The following TNR variants were observed in gnomAD, a reference collection of about 807,000 sequenced individuals.
TNR encodes the protein tenascin-R.
A neutral mutation model predicts 150.4 loss-of-function variants in TNR; 45 were observed. That is an observed-to-expected ratio of 0.30 (90% CI 0.24 to 0.38). The LOEUF (loss-of-function observed/expected upper bound fraction) is 0.38, where lower values mean the gene tolerates loss of function less well. Ranked by LOEUF, TNR falls within the 10% of genes least tolerant of loss-of-function variation. The pLI, the probability that TNR is intolerant of heterozygous loss-of-function variation, is 1.00. For synonymous variants in TNR, 687 were observed against 678.4 expected, an observed-to-expected ratio of 1.01 and a Z score of -0.20; for missense variants, 1,544 against 1,759.1, an observed-to-expected ratio of 0.88 and a Z score of 2.19.
At chr1:175,330,989 C>G (rs1006516907) in intron 20 of TNR, among the ~76,000 whole-genome samples, 9 of 150,986 alleles carry the variant, frequency 6.0e-5, no homozygotes, top group African/African-American at 1.5e-4. Flanking sequence ...GTCCAGATCC[C>G]TCTTGGTGAT....
chr1:175,671,456 T>G (rs1665693501), intron 1 of TNR, among the ~76,000 whole-genome samples: 1 of 152,140 alleles, frequency 6.6e-6, no homozygotes, highest in African/African-American at 2.4e-5. Flanking sequence ...CAGAAGCCAT[T>G]TAGTACCCCT....
chr1:175,417,075 G>GAAAGAAAGAAAGAAAGAA lies in TNR; in HGVS notation c.-63-10299_-63-10298insTTCTTTCTTTCTTTCTTT, dbSNP rs754333098. 4.7e-3 allele frequency among the ~76,000 whole-genome samples: 643 copies of GAAAGAAAGAAAGAAAGAA among 138,272 alleles called. 11 individuals carry two copies. The highest frequency in any genetic ancestry group is 7.2e-3 in the Non-Finnish European group (458 of 63,646). The allele number at this position is 138,272 out of a possible 152,430, so 90.7% of individuals were successfully genotyped here. On this transcript the variant is annotated intron_variant, in intron 2 of 22. Coordinates refer to ENST00000367674, the MANE Select transcript of TNR (RefSeq NM_003285.3). ...AGAAAGAAAGAAAGAAAGAAAGAAA[G>GAAAGAAAGAAAGAAAGAA]AAATCTAAGAAGTGGTCTCTTCCCT...
intron 1 of TNR, among the ~76,000 whole-genome samples, chr1:175,577,807 C>T (rs1425864323): frequency 6.6e-6 from 1 of 152,160 alleles, no homozygotes; most frequent in Non-Finnish European, 1.5e-5. Flanking sequence ...TCTACTGCCC[C>T]AAATGCTATA....
At chr1:175,664,491 AGGGAAAGGTGAGGT>A (rs1364923778) in intron 1 of TNR, among the ~76,000 whole-genome samples, 1 of 152,164 alleles carries the variant, frequency 6.6e-6, no homozygotes, top group Non-Finnish European at 1.5e-5. Flanking sequence ...AAATGGGGAG[AGGGAAAGGTGAGGT>A]GGTCAGGGCA....
chr1:175,380,980 T>G (rs890587851), intron 8 of TNR, among the ~76,000 whole-genome samples: 9 of 152,236 alleles, frequency 5.9e-5, no homozygotes, highest in African/African-American at 2.2e-4. Context: ...GCGCAGAGGC[T>G]TTGGAGTGAG....
chr1:175,471,522 G>A (rs1351575689), intron 2 of TNR, among the ~76,000 whole-genome samples: 4 of 152,046 alleles, frequency 2.6e-5, no homozygotes, highest in Admixed American at 6.5e-5. Flanking sequence ...GTAACATGAT[G>A]GTAAATATTT....
chr1:175,602,009 G>A (rs2101847700), intron 1 of TNR, among the ~76,000 whole-genome samples: 1 of 152,138 alleles, frequency 6.6e-6, no homozygotes, highest in Middle Eastern at 3.4e-3. Flanking sequence ...TATAGAGCAG[G>A]GAGATCAAAA....
At chr1:175,497,319 CA>C (rs1252056840) in intron 2 of TNR, among the ~76,000 whole-genome samples, 1 of 152,200 alleles carries the variant, frequency 6.6e-6, no homozygotes, top group African/African-American at 2.4e-5. Flanking sequence ...CCCTCTCTCT[CA>C]CCGTCAATTA....
At chr1:175,741,870 C>T (rs1376696443) in intron 1 of TNR, among the ~76,000 whole-genome samples, 2 of 152,156 alleles carry the variant, frequency 1.3e-5, no homozygotes, top group African/African-American at 4.8e-5. Context: ...AGTGAAACCA[C>T]CCCACCTTGC....
intron 10 of TNR, among the ~76,000 whole-genome samples, chr1:175,366,867 C>T (rs1284818112): frequency 2.6e-5 from 4 of 152,190 alleles, no homozygotes; most frequent in South Asian, 2.1e-4. Flanking sequence ...GCGAGGATGC[C>T]CCATTCTGCC....
chr1:175,720,309 T>C (rs1219225383), intron 1 of TNR, among the ~76,000 whole-genome samples: 3 of 152,216 alleles, frequency 2.0e-5, no homozygotes, highest in Non-Finnish European at 4.4e-5. Context: ...AAGTTGATCA[T>C]CTGCAAGCCA....
intron 2 of TNR, among the ~76,000 whole-genome samples, chr1:175,524,253 G>A (rs1478564892): frequency 1.3e-5 from 2 of 152,046 alleles, no homozygotes; most frequent in Non-Finnish European, 2.9e-5. Flanking sequence ...TATGCTACAT[G>A]CATGTCTGCC....
chr1:175,700,331 G>A (rs984947156), intron 1 of TNR, among the ~76,000 whole-genome samples: 1 of 152,194 alleles, frequency 6.6e-6, no homozygotes, highest in Non-Finnish European at 1.5e-5. Context: ...CATAATTAGA[G>A]TGATATGAAG....
chr1:175,406,566 C>G lies in TNR; in HGVS notation c.149G>C (p.Gly50Ala). 1 of 1,614,162 alleles carries G rather than the reference C, an allele frequency of 6.2e-7. No homozygotes were observed. Residue 50 changes from glycine to alanine, a missense_variant, in exon 3 of 23, where the codon GGC becomes GCC. Gly to Ala is a moderately conservative substitution (Grantham distance 60). This residue lies in a region of TNR where 1,254 missense variants were observed against 1,329.4 expected (regional missense o/e 0.94). Transcript: ENST00000367674. ...VQRQSVEEEG[G>A]IANYNTSSKE... ...GCTGGATGTGTTGTAGTTGGCAATG[C>G]CTCCCTCCTCCTCCACTGACTGTCT...
At chr1:175,740,192 A>G (rs1667886429) in intron 1 of TNR, among the ~76,000 whole-genome samples, 1 of 152,232 alleles carries the variant, frequency 6.6e-6, no homozygotes, top group East Asian at 1.9e-4. Context: ...CACATCTATT[A>G]AGTAATACAT....
At chr1:175,493,725 G>C (rs1183220095) in intron 2 of TNR, among the ~76,000 whole-genome samples, 2 of 152,224 alleles carry the variant, frequency 1.3e-5, no homozygotes, top group Admixed American at 1.3e-4. Context: ...TAAGGTGGGG[G>C]GTAGTGGTCC....
chr1:175,557,446 G>A (rs76391147), intron 1 of TNR, among the ~76,000 whole-genome samples: 6,327 of 152,266 alleles, frequency 0.042, 131 homozygotes, highest in South Asian at 0.075. Context: ...TGTGTGAGGA[G>A]GATAACAGAA....
At chr1:175,489,245 C>T (rs1658141122) in intron 2 of TNR, among the ~76,000 whole-genome samples, 1 of 152,196 alleles carries the variant, frequency 6.6e-6, no homozygotes, top group Admixed American at 6.5e-5. Context: ...CCTTCCCTTC[C>T]ACTTTGCTCA....
chr1:175,714,321 T>C (rs1667095786), intron 1 of TNR, among the ~76,000 whole-genome samples: 1 of 152,118 alleles, frequency 6.6e-6, no homozygotes, highest in South Asian at 2.1e-4. Context: ...TGTTGCCTGA[T>C]GAAGGCAGAT....
Sources: gnomAD v4.1 joint callset for allele counts (sites outside exome capture counted in the v4.1 genomes callset) on GRCh38, gnomAD v4.1.1 for gene constraint, gnomAD v4.1.1 regional missense constraint, MANE v1.5 for transcripts, NCBI Gene and HGNC (gene_info 2026-07-23, HGNC 2026-07-21) for gene names.